Variants in ADAM20 observed in about 807,000 individuals in gnomAD.
The protein encoded by ADAM20 is ADAM metallopeptidase domain 20, also known as disintegrin and metalloproteinase domain-containing protein 20.
For synonymous variants in ADAM20, 305 were observed against 310.2 expected (o/e 0.98, Z 0.18); for missense variants, 871 against 883.2 (o/e 0.99, Z 0.18).
At chr14:70,545,723 T>G in the ADAM20 span, among the ~76,000 whole-genome samples, 9 of 152,132 alleles carry the variant, frequency 5.9e-5, no homozygotes, top group African/African-American at 2.2e-4. Context: ...AAAGCAAATA[T>G]TATTAGAGCT....
upstream of ADAM20, among the ~76,000 whole-genome samples, chr14:70,538,399 T>G (rs1883879371): frequency 6.6e-6 from 1 of 152,196 alleles, no homozygotes; most frequent in South Asian, 2.1e-4. Context: ...TAACTTGGCA[T>G]GATATTTATA....
chr14:70,540,435 T>TA, the ADAM20 span, among the ~76,000 whole-genome samples: 3 of 152,236 alleles, frequency 2.0e-5, no homozygotes, highest in Non-Finnish European at 4.4e-5. Flanking sequence ...CCTTTAAAAC[T>TA]TAGTGGCACA....
chr14:70,529,593 T>C (rs1421720074), intron 1 of ADAM20, among the ~76,000 whole-genome samples: 1 of 152,178 alleles, frequency 6.6e-6, no homozygotes, highest in Non-Finnish European at 1.5e-5. Flanking sequence ...CTGAATACTA[T>C]AGGCAACTGG....
At chr14:70,559,907 A>G in the ADAM20 span, among the ~76,000 whole-genome samples, 49,023 of 152,062 alleles carry the variant, frequency 0.32, 9,565 homozygotes, top group East Asian at 0.56. Context: ...GTATTTAAAT[A>G]ACTAGGCTAT....
chr14:70,539,497 C>T (rs565290414), upstream of ADAM20, among the ~76,000 whole-genome samples: 12 of 152,328 alleles, frequency 7.9e-5, no homozygotes, highest in South Asian at 1.2e-3. Context: ...CATCTTGCCA[C>T]GGCTCTTCTA....
At chr14:70,538,389 T>C (rs1883879243), upstream of ADAM20, among the ~76,000 whole-genome samples, 1 of 152,192 alleles carries the variant, frequency 6.6e-6, no homozygotes, top group South Asian at 2.1e-4. Flanking sequence ...TCCTTTAATT[T>C]AACTTGGCAT....
the ADAM20 span, among the ~76,000 whole-genome samples, chr14:70,569,968 G>C: frequency 7.2e-6 from 1 of 138,288 alleles, no homozygotes; most frequent in Non-Finnish European, 1.5e-5. Flanking sequence ...GACATCTACA[G>C]AATATTCCAC....
chr14:70,562,240 G>T, the ADAM20 span, among the ~76,000 whole-genome samples: 1 of 152,216 alleles, frequency 6.6e-6, no homozygotes, highest in Non-Finnish European at 1.5e-5. Flanking sequence ...AAGATTTAAT[G>T]ACTGCCCTAT....
At chr14:70,553,346 T>TTA in the ADAM20 span, among the ~76,000 whole-genome samples, 1 of 63,420 alleles carries the variant, frequency 1.6e-5, no homozygotes, top group African/African-American at 9.8e-5. Context: ...GTAGCAGAAT[T>TTA]GAAAAAAAAA....
upstream of ADAM20, among the ~76,000 whole-genome samples, chr14:70,537,359 C>A (rs539018143): frequency 6.6e-6 from 1 of 152,312 alleles, no homozygotes; most frequent in East Asian, 1.9e-4. Flanking sequence ...TTTCCTCATA[C>A]TTCCTTCACT....
chr14:70,553,346 T>C, the ADAM20 span, among the ~76,000 whole-genome samples: 1 of 63,436 alleles, frequency 1.6e-5, no homozygotes, highest in Non-Finnish European at 2.7e-5. Flanking sequence ...GTAGCAGAAT[T>C]GAAAAAAAAA....
the ADAM20 span, among the ~76,000 whole-genome samples, chr14:70,554,311 A>T: frequency 6.6e-5 from 10 of 152,338 alleles, no homozygotes; most frequent in East Asian, 1.9e-3. Flanking sequence ...TATGGAAAAA[A>T]GTATGGAGAT....
chr14:70,542,326 G>C, the ADAM20 span, among the ~76,000 whole-genome samples: 1 of 152,108 alleles, frequency 6.6e-6, no homozygotes, highest in Non-Finnish European at 1.5e-5. Context: ...TGGAAAAACT[G>C]GTTATTTTTA....
chr14:70,563,656 G>GT, the ADAM20 span, among the ~76,000 whole-genome samples: 2 of 152,082 alleles, frequency 1.3e-5, no homozygotes, highest in Non-Finnish European at 2.9e-5. Flanking sequence ...TGGTATCCTT[G>GT]TAATAGTGAG....
At chr14:70,567,335 T>C in the ADAM20 span, among the ~76,000 whole-genome samples, 2 of 152,142 alleles carry the variant, frequency 1.3e-5, no homozygotes, top group African/African-American at 4.8e-5. Flanking sequence ...CCCAGGAAGT[T>C]GTGAGGCCCC....
At chr14:70,526,036 C>T (rs1461242874) in intron 1 of ADAM20, among the ~76,000 whole-genome samples, 2 of 152,186 alleles carry the variant, frequency 1.3e-5, no homozygotes, top group African/African-American at 2.4e-5. Context: ...AAAGCCTACA[C>T]AGAGGAGCTT....
chr14:70,522,496 A>C lies in ADAM20; in HGVS notation c.*81T>G. On this transcript the variant is annotated 3_prime_UTR_variant, in exon 2 of 2. Coordinates refer to ENST00000256389, the MANE Select transcript of ADAM20 (RefSeq NM_003814.5). The stretch of plus-strand genomic sequence containing the variant: ...TGAAGTTTTATTTAAACAGTGAGAC[A>C]TGGCTTCATATTTTTCTATTAAAAA... 1 of 1,325,290 alleles carries C rather than the reference A, an allele frequency of 7.5e-7. No homozygotes were observed. Among genetic ancestry groups the C allele is most frequent in the East Asian group, 2.5e-5 (1 of 39,762 alleles). 82.1% of individuals were successfully genotyped at this position (1,325,290 alleles called of 1,614,324 possible).
At chr14:70,536,486 A>AAAAAAAAAAAC, upstream of ADAM20, among the ~76,000 whole-genome samples, 1 of 129,350 alleles carries the variant, frequency 7.7e-6, no homozygotes, top group African/African-American at 2.7e-5. Context: ...AAAAAAAAAA[A>AAAAAAAAAAAC]AAAAAAAAAA....
At chr14:70,525,006 T>C in intron 1 of ADAM20, 73 bp from the exon 2 acceptor site, 1 of 1,287,714 alleles carries the variant, frequency 7.8e-7, no homozygotes, top group Non-Finnish European at 1.1e-6. Context: ...AAGTGATTCC[T>C]GCATTTGGAC....
Sources: gnomAD v4.1 joint callset for allele counts (sites outside exome capture counted in the v4.1 genomes callset) on GRCh38, gnomAD v4.1.1 for gene constraint, MANE v1.5 for transcripts, NCBI Gene and HGNC (gene_info 2026-07-23, HGNC 2026-07-21) for gene names.